EVC: variants seen among roughly 807,000 people sequenced by gnomAD.
EVC encodes the protein evC complex member EVC.
In EVC, 116 loss-of-function variants were observed where a neutral mutation model predicts 118.9. The observed-to-expected ratio is 0.98, with a 90% CI of 0.84 to 1.14. EVC has a LOEUF of 1.14. Among genes scored for constraint, EVC ranks in the 50% most tolerant of loss-of-function variants. The pLI is 0.00. For missense variants in EVC, 1,401 were observed against 1,246.4 expected, an observed-to-expected ratio of 1.12 and a Z score of -1.87; for synonymous variants, 619 against 534.7, an observed-to-expected ratio of 1.16 and a Z score of -2.18.
At chr4:5,815,676 A>G (rs976919055), downstream of EVC, among the ~76,000 whole-genome samples, 2 of 152,176 alleles carry the variant, frequency 1.3e-5, no homozygotes, top group African/African-American at 4.8e-5. Context: ...CCCTCCCTCT[A>G]TGGAAACCAG....
chr4:5,828,734 G>A, the EVC span: 2 of 1,550,018 alleles, frequency 1.3e-6, no homozygotes, highest in Non-Finnish European at 1.7e-6. Flanking sequence ...GTTCATAACA[G>A]CGATTTTGCC....
the EVC span, among the ~76,000 whole-genome samples, chr4:5,823,231 A>T: frequency 6.6e-6 from 1 of 152,124 alleles, no homozygotes; most frequent in Admixed American, 6.5e-5. Flanking sequence ...TCCAACTCCA[A>T]CATTACATGA....
chr4:5,711,375 C>T lies in EVC; in HGVS notation c.-6C>T. 9.9e-7 allele frequency: 1 copy of T among 1,010,478 alleles called. No homozygotes were observed. 62.6% of individuals were successfully genotyped at this position (1,010,478 alleles called of 1,614,324 possible). Reference sequence around the variant, plus strand: ...ATGCGGCGGGGCGGCAGCCTGAGCGCCCCGGATGGCCCGCGGCGGGGCGGC... The same window carrying T: ...ATGCGGCGGGGCGGCAGCCTGAGCGTCCCGGATGGCCCGCGGCGGGGCGGC... On this transcript the variant is annotated 5_prime_UTR_variant, in exon 1 of 21. Transcript: ENST00000264956.
chr4:5,726,565 T>TTTG (rs2151899757), intron 2 of EVC, among the ~76,000 whole-genome samples: 1 of 43,924 alleles, frequency 2.3e-5, no homozygotes, highest in South Asian at 8.7e-4. Context: ...TTTCTTCTCT[T>TTTG]TTCTTTTTTT....
At position 5,789,156 on chromosome 4, in the gene EVC, T is replaced by G. The variant is rs986958007; in HGVS notation, c.1777-4452T>G. Among the ~76,000 whole-genome samples the G allele has an allele frequency of 2.0e-5, 3 of 152,206 alleles. No homozygotes were observed. Among genetic ancestry groups the G allele is most frequent in the Non-Finnish European group, 4.4e-5 (3 of 68,032 alleles). ...CTTACAGTCGTCAGCACAATAGATTTGATAGGGAACACTAAGTCACATCGT... is the reference window on the plus strand; with the variant it reads ...CTTACAGTCGTCAGCACAATAGATTGGATAGGGAACACTAAGTCACATCGT... On this transcript the variant is annotated intron_variant, in intron 12 of 20. Transcript: ENST00000264956. The surrounding 1 kb of genome is among the most constrained non-coding windows in gnomAD (Gnocchi z 4.3).
chr4:5,759,622 A>G (rs1007948685), intron 11 of EVC, among the ~76,000 whole-genome samples: 2 of 152,198 alleles, frequency 1.3e-5, no homozygotes, highest in Non-Finnish European at 2.9e-5. Context: ...AATGTCATCA[A>G]GATTAAGGAA....
chr4:5,712,672 A>G (rs1330721436), intron 1 of EVC, among the ~76,000 whole-genome samples: 1 of 152,020 alleles, frequency 6.6e-6, no homozygotes, highest in Non-Finnish European at 1.5e-5. Flanking sequence ...AATATAGGGG[A>G]ATTTGGTGAC....
In EVC at chr4:5,755,315, G is replaced by A. The variant is rs534263156; in HGVS notation, c.1465-949G>A. Among the ~76,000 whole-genome samples the A allele has an allele frequency of 2.6e-5, 4 of 152,278 alleles. No individual in the cohort carries two copies. The highest frequency in any genetic ancestry group is 1.9e-4 in the East Asian group (1 of 5,172). On this transcript the variant is annotated intron_variant, in intron 10 of 20. Coordinates refer to ENST00000264956, the MANE Select transcript of EVC (RefSeq NM_153717.3). The surrounding 1 kb of genome is among the most constrained non-coding windows in gnomAD (Gnocchi z 4.1). The stretch of plus-strand genomic sequence containing the variant: ...GTCCCAGGGCCTCGGTACAGTCCTC[G>A]GAACGCCTCAGCGCTGGCGTTCAGG...
At chr4:5,805,282 A>G (rs1326642539) in intron 17 of EVC, among the ~76,000 whole-genome samples, 1 of 152,174 alleles carries the variant, frequency 6.6e-6, no homozygotes, top group Non-Finnish European at 1.5e-5. Context: ...GACCATCACA[A>G]TGAGTGCAAA....
chr4:5,711,255 G>C lies in EVC; in HGVS notation c.-126G>C. On this transcript the variant is annotated 5_prime_UTR_variant, in exon 1 of 21. Transcript: ENST00000264956. ...AAGCAGGAGTCGGGAGACTGCACAG[G>C]CCAGAAAGTCTGCGGAGCGGGCCGC... 5.3e-6 allele frequency: 3 copies of C among 568,438 alleles called. No individual in the cohort carries two copies. Among genetic ancestry groups the C allele is most frequent in the Non-Finnish European group, 6.7e-6 (3 of 448,016 alleles). 35.2% of individuals were successfully genotyped at this position (568,438 alleles called of 1,614,324 possible). A position where few individuals can be genotyped will look rare whatever the true frequency, so the allele number is the denominator to read the frequency against.
At chr4:5,723,158 C>T (rs1725242024) in intron 2 of EVC, among the ~76,000 whole-genome samples, 1 of 151,132 alleles carries the variant, frequency 6.6e-6, no homozygotes, top group African/African-American at 2.4e-5. Context: ...GCCTACAGGT[C>T]TTGGGTGGAC....
chr4:5,819,073 G>C (rs1268165837), downstream of EVC, among the ~76,000 whole-genome samples: 1 of 152,190 alleles, frequency 6.6e-6, no homozygotes, highest in African/African-American at 2.4e-5. Context: ...AATAAATGGT[G>C]TTGGGTCAAT....
chr4:5,774,948 C>G (rs1299215375), intron 11 of EVC, among the ~76,000 whole-genome samples: 1 of 152,144 alleles, frequency 6.6e-6, no homozygotes, highest in Non-Finnish European at 1.5e-5. Context: ...AGAACGCAGA[C>G]TTGAGTCTTT....
chr4:5,797,986 A>G (rs937325404), intron 14 of EVC, among the ~76,000 whole-genome samples: 8 of 152,200 alleles, frequency 5.3e-5, no homozygotes. Context: ...GTAGCCACCA[A>G]GCTCTGGGAG....
In EVC at chr4:5,809,612, G is replaced by T. The variant is rs1007534611; in HGVS notation, c.2782+1G>T. On this transcript the variant is annotated splice_donor_variant, in intron 19 of 20. Transcript: ENST00000264956. LOFTEE classifies it high-confidence loss of function. ...TTGCCTGCTAAGCGTGGGCTGCTAG[G>T]TGAGTCACAGATGCTTGAGTTGCAG... 1.2e-5 allele frequency: 19 copies of T among 1,613,852 alleles called. No individual in the cohort carries two copies. The highest frequency in any genetic ancestry group is 1.6e-5 in the Non-Finnish European group (19 of 1,179,922).
At chr4:5,751,290 G>A (rs1398342162) in intron 8 of EVC, among the ~76,000 whole-genome samples, 1 of 152,142 alleles carries the variant, frequency 6.6e-6, no homozygotes, top group Non-Finnish European at 1.5e-5. Context: ...GCACATCAGG[G>A]CCCCCTTCCC....
At chr4:5,821,592 C>G in the EVC span, 2 of 660,648 alleles carry the variant, frequency 3.0e-6, no homozygotes, top group Non-Finnish European at 5.1e-6. The surrounding 1 kb of genome is among the most constrained non-coding windows in gnomAD (Gnocchi z 4.4). Context: ...AGCAAACACA[C>G]CACACTAGTA....
rs1716971034 is a variant in EVC, at chr4:5,811,954, C to T, written c.*917C>T. On this transcript the variant is annotated 3_prime_UTR_variant, in exon 21 of 21. Coordinates refer to ENST00000264956, the MANE Select transcript of EVC (RefSeq NM_153717.3). ...AGGAGAGGCCTTTCCCGCCTGGAAA[C>T]TTCCGGACAAGCCTCTCACACACCA... 1 of 134,994 alleles carries T rather than the reference C, an allele frequency of 7.4e-6. No homozygotes were observed. Among genetic ancestry groups the T allele is most frequent in the South Asian group, 2.3e-4 (1 of 4,318 alleles). 8.4% of individuals were successfully genotyped at this position (134,994 alleles called of 1,614,324 possible). A position where few individuals can be genotyped will look rare whatever the true frequency, so the allele number is the denominator to read the frequency against.
chr4:5,783,387 T>C (rs1307653077), intron 11 of EVC, among the ~76,000 whole-genome samples, 165 bp from the exon 12 acceptor site: 1 of 151,476 alleles, frequency 6.6e-6, no homozygotes, highest in Admixed American at 6.6e-5. Flanking sequence ...GGGAGTTACT[T>C]GTATGTGTGT....
Sources: gnomAD v4.1 joint callset for allele counts (sites outside exome capture counted in the v4.1 genomes callset) on GRCh38, gnomAD v4.1.1 for gene constraint, Gnocchi (gnomAD v3.1) non-coding constraint, MANE v1.5 for transcripts, NCBI Gene and HGNC (gene_info 2026-07-23, HGNC 2026-07-21) for gene names.